Variants in CLN3 observed in about 807,000 individuals in gnomAD.
CLN3 encodes the protein battenin.
In CLN3, 49 loss-of-function variants were observed where a neutral mutation model predicts 60.7. The observed-to-expected ratio is 0.81, with a 90% CI of 0.64 to 1.02. The LOEUF is 1.02. Ranked by LOEUF, CLN3 falls within the 50% of genes least tolerant of loss-of-function variation. The pLI is 0.00. For synonymous variants in CLN3, 256 were observed against 245.8 expected (o/e 1.04, Z -0.39); for missense variants, 516 against 557.4 (o/e 0.93, Z 0.75).
chr16:28,478,617 T>TAAAAAAAAAAA lies in CLN3; in HGVS notation c.1057-751_1057-741dup, dbSNP rs766238150. 7.1e-4 allele frequency among the ~76,000 whole-genome samples: 53 copies of TAAAAAAAAAAA among 74,354 alleles called. 5 individuals carry two copies. The highest frequency in any genetic ancestry group is 3.8e-3 in the African/African-American group (50 of 13,098). 48.8% of individuals were successfully genotyped at this position (74,354 alleles called of 152,430 possible). ...GGTGACAGAGCAAGATCCTGTCTCA[T>TAAAAAAAAAAA]AAAAAAAAAAAAAAAAAAAAAAAAA... On this transcript the variant is annotated intron_variant, in intron 14 of 15. Transcript: ENST00000636147.
chr16:28,485,684 TAAA>T (rs758152793), intron 9 of CLN3, among the ~76,000 whole-genome samples: 1 of 84,562 alleles, frequency 1.2e-5, no homozygotes, highest in Non-Finnish European at 2.4e-5. Context: ...CAACACTGAT[TAAA>T]AAAAAAAAAA....
At chr16:28,468,324 G>GT in the CLN3 span, among the ~76,000 whole-genome samples, 1 of 106,322 alleles carries the variant, frequency 9.4e-6, no homozygotes, top group African/African-American at 3.9e-5. Context: ...TTATTTACTT[G>GT]TTTTTTAAAT....
At chr16:28,477,225 T>C (rs954064411), downstream of CLN3, 2 of 458,940 alleles carry the variant, frequency 4.4e-6, no homozygotes, top group Non-Finnish European at 8.1e-6. Flanking sequence ...AAAGTGGGCA[T>C]GTATTACTTT....
rs773602052 is a variant in CLN3, at chr16:28,486,377, A to G, written c.647T>C (p.Met216Thr). ...GLSPQQTLLS[M>T]LGIPALLLAS... ...CAGCAGCAGGGCAGGGATACCCAGC[A>G]TGGACAGCAGGGTCTGCTGAGGGGA... Residue 216 changes from methionine to threonine, a missense_variant, in exon 9 of 16, where the codon ATG becomes ACG. Met to Thr is a moderately conservative substitution (Grantham distance 81). Transcript: ENST00000636147. 6.2e-7 allele frequency: 1 copy of G among 1,612,820 alleles called. No homozygotes were observed. Among genetic ancestry groups the G allele is most frequent in the Non-Finnish European group, 8.5e-7 (1 of 1,180,008 alleles).
intron 15 of CLN3, 42 bp from the exon 16 acceptor site, chr16:28,477,677 A>G: frequency 6.2e-7 from 1 of 1,614,048 alleles, no homozygotes; most frequent in South Asian, 1.1e-5. Context: ...AGTCCCAGAC[A>G]TCCCTGCCCT....
chr16:28,472,276 G>A (rs910050880), downstream of CLN3, among the ~76,000 whole-genome samples: 1 of 152,028 alleles, frequency 6.6e-6, no homozygotes, highest in Non-Finnish European at 1.5e-5. Flanking sequence ...AGGTAGCTGG[G>A]TGTGGTGGCT....
In CLN3 at chr16:28,486,589, G is replaced by A. The variant is rs371467190; in HGVS notation, c.522C>T (p.Ala174=). The A allele has an allele frequency of 1.9e-6, 3 of 1,611,134 alleles. No individual in the cohort carries two copies. The highest frequency in any genetic ancestry group is 2.5e-6 in the Non-Finnish European group (3 of 1,178,800). The change falls in exon 8 of 16, where the codon GCC becomes GCT. Residue 174 remains alanine, a synonymous_variant. Transcript: ENST00000636147. ...LGEVTFLSLT[A]FYPRAVISWW... ...CTCCACCTGCTTACCTGGGGTAGAA[G>A]GCAGTGAGGGAGAGGAAGGTGACCT...
In CLN3 at chr16:28,481,452, A is replaced by G. The variant is rs866636727; in HGVS notation, c.1056+653T>C. On this transcript the variant is annotated intron_variant, in intron 14 of 15. Coordinates refer to ENST00000636147, the MANE Select transcript of CLN3 (RefSeq NM_001042432.2). ...CACACACACACACACACACACACAC[A>G]CGCACACACACACACACACACACTA... 5.5e-3 allele frequency among the ~76,000 whole-genome samples: 649 copies of G among 117,746 alleles called. 2 individuals are homozygous for G. Among genetic ancestry groups the G allele is most frequent in the African/African-American group, 0.017 (447 of 26,944 alleles). 77.2% of individuals were successfully genotyped at this position (117,746 alleles called of 152,430 possible).
At chr16:28,481,417 A>AACACACACACACACAC (rs767753225) in intron 14 of CLN3, among the ~76,000 whole-genome samples, 1 of 129,576 alleles carries the variant, frequency 7.7e-6, no homozygotes, top group Non-Finnish European at 1.7e-5. Flanking sequence ...CAATGCTTAA[A>AACACACACACACACAC]ACACACACAC....
At chr16:28,469,475 G>A (rs1490621559), downstream of CLN3, among the ~76,000 whole-genome samples, 55 of 147,856 alleles carry the variant, frequency 3.7e-4, no homozygotes, top group South Asian at 1.3e-3. Flanking sequence ...GCACATGTCT[G>A]TAATCCCAGC....
At chr16:28,479,216 A>G (rs1406554439) in intron 14 of CLN3, among the ~76,000 whole-genome samples, 1 of 152,186 alleles carries the variant, frequency 6.6e-6, no homozygotes, top group Non-Finnish European at 1.5e-5. Flanking sequence ...TCTAGGTACA[A>G]ATGCCCCAAG....
chr16:28,479,801 TA>T, intron 14 of CLN3: 1 of 195,646 alleles, frequency 5.1e-6, no homozygotes. Context: ...ACATTATAGC[TA>T]AAAACATGTA....
At chr16:28,474,548 A>C (rs2045976329), downstream of CLN3, among the ~76,000 whole-genome samples, 1 of 152,158 alleles carries the variant, frequency 6.6e-6, no homozygotes, top group Non-Finnish European at 1.5e-5. Context: ...GGAAAAGAGC[A>C]AGTATTGGTG....
rs369293477 is a variant in CLN3, at chr16:28,482,739, G to A, written c.791-67C>T. ...ACTGAAGACTCGGCAAAGAGGCACC[G>A]GTATGACAGAATTAACCAGACCACG... On this transcript the variant is annotated intron_variant, in intron 10 of 15. Coordinates refer to ENST00000636147, the MANE Select transcript of CLN3 (RefSeq NM_001042432.2). 1.5e-3 allele frequency: 2,375 copies of A among 1,544,290 alleles called. 24 individuals carry two copies. The highest frequency in any genetic ancestry group is 0.013 in the South Asian group (1,177 of 89,076).
chr16:28,468,903 G>T, the CLN3 span, among the ~76,000 whole-genome samples: 9 of 112,686 alleles, frequency 8.0e-5, no homozygotes, highest in South Asian at 2.8e-4. Context: ...ATTAATTCCA[G>T]TAGACTCTTA....
intron 3 of CLN3, 63 bp from the exon 4 acceptor site, chr16:28,489,449 C>T: frequency 8.6e-7 from 1 of 1,159,730 alleles, no homozygotes; most frequent in Non-Finnish European, 1.3e-6. Flanking sequence ...AGCCTTTGTG[C>T]CAAACCTTCC....
At chr16:28,472,275 G>C (rs1049310459), downstream of CLN3, among the ~76,000 whole-genome samples, 3 of 152,176 alleles carry the variant, frequency 2.0e-5, no homozygotes, top group East Asian at 5.8e-4. Flanking sequence ...AAGGTAGCTG[G>C]GTGTGGTGGC....
chr16:28,484,448 A>C (rs2046169617), intron 9 of CLN3: 1 of 313,404 alleles, frequency 3.2e-6, no homozygotes, highest in Non-Finnish European at 6.2e-6. Context: ...TCCCAGGCTC[A>C]AGCAATCCTC....
At position 28,482,585 on chromosome 16, in the gene CLN3, G is replaced by A. The variant is rs766360076; in HGVS notation, c.838-40C>T. 8.1e-6 allele frequency: 13 copies of A among 1,613,888 alleles called. No individual in the cohort carries two copies. In the Admixed American group the frequency reaches 1.8e-4, roughly 23 times the overall value. On this transcript the variant is annotated intron_variant, in intron 11 of 15. Coordinates refer to ENST00000636147, the MANE Select transcript of CLN3 (RefSeq NM_001042432.2). ...AGATATAAGCGGGGGGCCTGGAGGT[G>A]AGCAAGCCCCACAGGGACATACCCC...
Sources: allele counts gnomAD v4.1 joint callset (sites outside exome capture counted in the v4.1 genomes callset), GRCh38; gene constraint gnomAD v4.1.1; transcripts MANE v1.5; gene names NCBI Gene and HGNC (gene_info 2026-07-23, HGNC 2026-07-21).